MOXD1: variants seen among roughly 807,000 people sequenced by gnomAD.
MOXD1 encodes the protein monooxygenase DBH like 1, also known as DBH-like monooxygenase protein 1.
In MOXD1, 62 loss-of-function variants were observed where a neutral mutation model predicts 66.6. The observed-to-expected ratio is 0.93, with a 90% confidence interval of 0.76 to 1.15. The LOEUF is 1.15. Among genes scored for constraint, MOXD1 ranks in the 50% most tolerant of loss-of-function variants. The pLI is 0.00. For synonymous variants in MOXD1, 303 were observed against 281.9 expected (o/e 1.07, Z -0.75); for missense variants, 847 against 754.6 (o/e 1.12, Z -1.44).
intron 4 of MOXD1, among the ~76,000 whole-genome samples, chr6:132,338,112 G>T (rs1464581117): frequency 1.3e-5 from 2 of 152,084 alleles, no homozygotes; most frequent in African/African-American, 2.4e-5. Context: ...TTAGGTAAAA[G>T]AATTATTCCA....
At chr6:132,381,536 G>C (rs940251217) in intron 1 of MOXD1, among the ~76,000 whole-genome samples, 6 of 151,704 alleles carry the variant, frequency 4.0e-5, no homozygotes, top group African/African-American at 9.7e-5. Flanking sequence ...AGAAAAGAGG[G>C]AAATAGAAGG....
rs140269628 is a variant in MOXD1, at chr6:132,367,578, C to T, written c.663+5030G>A. On this transcript the variant is annotated intron_variant, in intron 4 of 11. Coordinates refer to ENST00000367963, the MANE Select transcript of MOXD1 (RefSeq NM_015529.4). ...TTAAGCCTGATACTGCATCCTTTTCCGGGCCTTCTCACTAAATGGGAGTTT... is the reference window on the plus strand; with the variant it reads ...TTAAGCCTGATACTGCATCCTTTTCTGGGCCTTCTCACTAAATGGGAGTTT... Among the ~76,000 whole-genome samples the T allele has an allele frequency of 9.9e-4, 150 of 152,072 alleles. 2 individuals carry two copies. The highest frequency in any genetic ancestry group is 3.3e-3 in the African/African-American group (139 of 41,510).
chr6:132,367,252 C>T (rs1776167371), intron 4 of MOXD1, among the ~76,000 whole-genome samples: 1 of 152,024 alleles, frequency 6.6e-6, no homozygotes. Context: ...CTCTGTAATC[C>T]AGAAACCTAA....
chr6:132,320,778 G>T, intron 8 of MOXD1, 90 bp from the exon 9 acceptor site: 1 of 1,073,906 alleles, frequency 9.3e-7, no homozygotes, highest in Non-Finnish European at 1.4e-6. Flanking sequence ...AATATTTGCT[G>T]TATGAATGGA....
chr6:132,320,544 A>G (rs1775055897), intron 9 of MOXD1, 85 bp downstream of exon 9: 2 of 1,150,614 alleles, frequency 1.7e-6, no homozygotes, highest in South Asian at 3.1e-5. Context: ...TCTAAATGGA[A>G]ATGGTTTTTA....
At chr6:132,360,948 C>T (rs1233081911) in intron 4 of MOXD1, among the ~76,000 whole-genome samples, 2 of 152,146 alleles carry the variant, frequency 1.3e-5, no homozygotes, top group Non-Finnish European at 2.9e-5. Flanking sequence ...TTCAACATTT[C>T]CTCAGGACAA....
intron 9 of MOXD1, among the ~76,000 whole-genome samples, chr6:132,319,579 G>A (rs573255164): frequency 1.0e-3 from 157 of 151,736 alleles, no homozygotes; most frequent in Middle Eastern, 3.4e-3. Context: ...ATTTGGAGGA[G>A]GGTTTGATGC....
intron 10 of MOXD1, among the ~76,000 whole-genome samples, chr6:132,312,548 C>T (rs1353573392): frequency 1.3e-5 from 2 of 150,966 alleles, no homozygotes; most frequent in African/African-American, 2.4e-5. Flanking sequence ...CTCTTTTGTG[C>T]TCATATTTTT....
At chr6:132,343,093 A>G (rs1775597253) in intron 4 of MOXD1, among the ~76,000 whole-genome samples, 1 of 152,236 alleles carries the variant, frequency 6.6e-6, no homozygotes, top group African/African-American at 2.4e-5. Context: ...GGAAGTAAAG[A>G]TTAACAGAAG....
rs1329163591 is a variant in MOXD1, at chr6:132,315,760, C to A, written c.1383G>T (p.Arg461Ser). Residue 461 changes from arginine to serine, a missense_variant, in exon 10 of 12, where the codon AGG (arginine) becomes AGT (serine). Transcript: ENST00000367963. ...AEMTWGGLST[R>S]SEMCLSYLLY... The stretch of plus-strand genomic sequence containing the variant: ...GAAGGTATGAGAGACACATTTCACT[C>A]CTGGTGCTTAGTCCTCCCTGAAAAC... 5 of 1,613,392 alleles carry A rather than the reference C, an allele frequency of 3.1e-6. No homozygotes were observed. Among genetic ancestry groups the A allele is most frequent in the Non-Finnish European group, 4.2e-6 (5 of 1,179,590 alleles).
chr6:132,354,659 G>A (rs1221704418), intron 4 of MOXD1, among the ~76,000 whole-genome samples: 1 of 152,234 alleles, frequency 6.6e-6, no homozygotes, highest in Non-Finnish European at 1.5e-5. Flanking sequence ...ACTTTCCAGA[G>A]AGCATCAGCT....
intron 10 of MOXD1, among the ~76,000 whole-genome samples, chr6:132,307,197 A>T (rs1774713851): frequency 6.6e-6 from 1 of 152,214 alleles, no homozygotes; most frequent in Non-Finnish European, 1.5e-5. Flanking sequence ...ATTGAAAGAA[A>T]AAAAAAGCAG....
At position 132,297,264 on chromosome 6, in the gene MOXD1, T is replaced by C; in HGVS notation, c.1731A>G (p.Glu577=). The C allele has an allele frequency of 6.2e-7, 1 of 1,613,544 alleles. No homozygotes were observed. The highest frequency in any genetic ancestry group is 1.3e-5 in the African/African-American group (1 of 75,016). ...AAGAAGACGTGCCACACACCAAAGGTTCTGCTTTATAGGGTCTTTCTATAT... is the reference window on the plus strand; with the variant it reads ...AAGAAGACGTGCCACACACCAAAGGCTCTGCTTTATAGGGTCTTTCTATAT... ...PPDIERPYKA[E]PLVCGTSSSS... The change falls in exon 12 of 12, where the codon GAA becomes GAG. Residue 577 remains glutamate (E), a synonymous_variant. Transcript: ENST00000367963.
Position 132,330,608 on chromosome 6 carries a change from G to A in MOXD1, c.664-2014C>T, listed in dbSNP as rs146411597. 2.6e-4 allele frequency among the ~76,000 whole-genome samples: 39 copies of A among 152,266 alleles called. No individual in the cohort carries two copies. The East Asian group carries it at 5.0e-3, about 20-fold the overall frequency. ...GTTCAGCTGATAAAGTAGCCCTGGC[G>A]TGTTGCTAAATATCCAAGAGTTTAG... On this transcript the variant is annotated intron_variant, in intron 4 of 11. Transcript: ENST00000367963.
intron 2 of MOXD1, 134 bp downstream of exon 2, chr6:132,374,495 AAC>A: frequency 2.1e-6 from 2 of 965,490 alleles, no homozygotes; most frequent in Non-Finnish European, 1.4e-6. Flanking sequence ...CTAAAAAAAA[AAC>A]TAAAAAAAAT....
chr6:132,323,154 A>C (rs533399884), intron 7 of MOXD1, among the ~76,000 whole-genome samples: 8 of 152,332 alleles, frequency 5.3e-5, no homozygotes, highest in Admixed American at 1.3e-4. Flanking sequence ...GAGGCAATAA[A>C]CATTCTTAGC....
intron 4 of MOXD1, among the ~76,000 whole-genome samples, chr6:132,349,410 TATATATATATAC>T (rs1775743226): frequency 1.2e-5 from 1 of 82,672 alleles, no homozygotes; most frequent in Non-Finnish European, 2.1e-5. Flanking sequence ...TATATACATA[TATATATATATAC>T]ATATATATAT....
intron 4 of MOXD1, among the ~76,000 whole-genome samples, chr6:132,365,677 G>A (rs1776106990): frequency 6.6e-6 from 1 of 152,138 alleles, no homozygotes; most frequent in East Asian, 1.9e-4. Flanking sequence ...GTACTCTCAA[G>A]TGACTAATAA....
chr6:132,398,103 G>A (rs1417705750), intron 1 of MOXD1, among the ~76,000 whole-genome samples: 1 of 151,998 alleles, frequency 6.6e-6, no homozygotes, highest in Non-Finnish European at 1.5e-5. Flanking sequence ...CCACATCCTT[G>A]TGTACACATT....
Sources: gnomAD v4.1 joint callset for allele counts (sites outside exome capture counted in the v4.1 genomes callset) on GRCh38, gnomAD v4.1.1 for gene constraint, MANE v1.5 for transcripts, NCBI Gene and HGNC (gene_info 2026-07-23, HGNC 2026-07-21) for gene names.